Variants in COL5A1 observed in about 807,000 individuals in gnomAD.
The protein encoded by COL5A1 is collagen type V alpha 1 chain.
In COL5A1, 16 loss-of-function variants were observed where a neutral mutation model predicts 263.7. That is an observed-to-expected ratio of 0.06 (90% CI 0.04 to 0.09). COL5A1 has a LOEUF of 0.09. Ranked by LOEUF, COL5A1 falls within the 10% of genes least tolerant of loss-of-function variation. The probability of loss-of-function intolerance (pLI) is 1.00; values close to 1 mark genes in which losing one functional copy is unlikely to be tolerated. For synonymous variants in COL5A1, 1,012 were observed against 1,004.5 expected, an observed-to-expected ratio of 1.01 and a Z score of -0.14; for missense variants, 2,036 against 2,540.5, an observed-to-expected ratio of 0.80 and a Z score of 4.27.
intron 1 of COL5A1, among the ~76,000 whole-genome samples, chr9:134,685,142 C>CG (rs1451369788): frequency 6.7e-6 from 1 of 149,058 alleles, no homozygotes; most frequent in Non-Finnish European, 1.5e-5. Context: ...ATCCATCATC[C>CG]TCCCATTCAT....
At position 134,701,205 on chromosome 9, in the gene COL5A1, A is replaced by C. The variant is rs369396868; in HGVS notation, c.526A>C (p.Asn176His). ...HRIALSVHKK[N>H]VTLILDCKKK... The stretch of plus-strand genomic sequence containing the variant: ...AATTGCTCTCAGCGTCCACAAGAAA[A>C]ATGTCACCTTGATCCTCGACTGTAA... Residue 176 changes from asparagine (N) to histidine (H), a missense_variant, in exon 4 of 66, where the codon AAT (asparagine) becomes CAT (histidine). By Grantham distance (68) the Asn-to-His change is moderately conservative (BLOSUM62 1). This residue lies in a region of COL5A1 where 600 missense variants were observed against 634.5 expected (regional missense o/e 0.95). Transcript: ENST00000371817. The C allele has an allele frequency of 2.7e-5, 44 of 1,613,908 alleles. No homozygotes were observed. In the South Asian group the frequency reaches 2.7e-4, roughly 10 times the overall value.
chr9:134,681,385 C>T lies in COL5A1; in HGVS notation c.110-9527C>T, dbSNP rs1243532055. ...AATTTCTGCGAGCATCTGCGGGTGC[C>T]GGGCTGTGCGGGGCCCCTGCCCTCC... On this transcript the variant is annotated intron_variant, in intron 1 of 65. Transcript: ENST00000371817. This position sits in a 1 kb window ranked among gnomAD's most constrained non-coding sequence, Gnocchi z 4.3. 1.3e-5 allele frequency among the ~76,000 whole-genome samples: 2 copies of T among 152,216 alleles called. No homozygotes were observed. The highest frequency in any genetic ancestry group is 1.5e-5 in the Non-Finnish European group (1 of 68,022).
Position 134,765,256 on chromosome 9 carries a change from C to T in COL5A1, c.2035-425C>T, listed in dbSNP as rs545909359. On this transcript the variant is annotated intron_variant, in intron 20 of 65. Coordinates refer to ENST00000371817, the MANE Select transcript of COL5A1 (RefSeq NM_000093.5). The surrounding 1 kb of genome is among the most constrained non-coding windows in gnomAD (Gnocchi z 5.1). Reference sequence around the variant, plus strand: ...GACCCTGTGATATCATAAAAACAATCGTATGTCGCTGCGGAGGGGAATTCA... The same window carrying T: ...GACCCTGTGATATCATAAAAACAATTGTATGTCGCTGCGGAGGGGAATTCA... Among the ~76,000 whole-genome samples, 11 of 152,150 alleles carry T rather than the reference C, an allele frequency of 7.2e-5. No individual in the cohort carries two copies. The highest frequency in any genetic ancestry group is 2.1e-4 in the South Asian group (1 of 4,822).
chr9:134,752,404 G>C (rs1052831780), intron 13 of COL5A1, among the ~76,000 whole-genome samples, 185 bp from the exon 14 acceptor site: 2 of 115,516 alleles, frequency 1.7e-5, no homozygotes, highest in African/African-American at 3.5e-5. Context: ...TGGATGCTGA[G>C]AGCCCCATCG....
rs730880064 is a variant in COL5A1 at position 134,824,829 on chromosome 9, A to G, written c.4928A>G (p.Gln1643Arg). 1.2e-5 allele frequency: 19 copies of G among 1,613,470 alleles called. No individual in the cohort carries two copies. Among genetic ancestry groups the G allele is most frequent in the Non-Finnish European group, 1.4e-5 (17 of 1,179,962 alleles). ...CCCGCCCGCACCTGCAAGGACCTGC[A>G]GCTCTGCCACCCCGACTTCCCAGAT... ...QNPARTCKDL[Q>R]LCHPDFPDGE... The change falls in exon 62 of 66, where the codon CAG (glutamine) becomes CGG (arginine). Residue 1643 changes from glutamine (Q) to arginine (R), a missense_variant. Transcript: ENST00000371817.
At chr9:134,795,440 T>C in intron 34 of COL5A1, 125 bp downstream of exon 34, 1 of 823,870 alleles carries the variant, frequency 1.2e-6, no homozygotes, top group Non-Finnish European at 1.9e-6. Flanking sequence ...CAGGACATTT[T>C]CTTAGGTGTG....
chr9:134,779,813 C>A (rs577941278), intron 27 of COL5A1, among the ~76,000 whole-genome samples: 1 of 152,132 alleles, frequency 6.6e-6, no homozygotes, highest in East Asian at 1.9e-4. Flanking sequence ...TGTTGGCTGC[C>A]GGGTGTGGGC....
intron 18 of COL5A1, among the ~76,000 whole-genome samples, chr9:134,761,107 CA>C (rs1356134715): frequency 7.1e-6 from 1 of 140,490 alleles, no homozygotes; most frequent in Admixed American, 7.1e-5. Context: ...CACATGCACA[CA>C]ACCCACACAT....
At chr9:134,712,207 T>A (rs1482296773) in intron 4 of COL5A1, among the ~76,000 whole-genome samples, 1 of 40,438 alleles carries the variant, frequency 2.5e-5, no homozygotes, top group African/African-American at 9.1e-5. Context: ...CTTCTTCCTT[T>A]CCCCCCTCCT....
At chr9:134,693,005 G>A (rs1322150440) in intron 2 of COL5A1, among the ~76,000 whole-genome samples, 6 of 152,230 alleles carry the variant, frequency 3.9e-5, no homozygotes, top group African/African-American at 9.6e-5. Context: ...CCTGGGAGGC[G>A]GAGGTTGCAG....
intron 58 of COL5A1, 144 bp downstream of exon 58, chr9:134,820,367 G>A: frequency 1.4e-6 from 1 of 719,204 alleles, no homozygotes; most frequent in South Asian, 1.5e-5. Context: ...CTTGGCAGAT[G>A]GGAACACTGA....
intron 25 of COL5A1, among the ~76,000 whole-genome samples, chr9:134,768,907 G>C (rs1288255722): frequency 6.6e-6 from 1 of 152,176 alleles, no homozygotes; most frequent in Non-Finnish European, 1.5e-5. Flanking sequence ...CACAGCTGTG[G>C]AGCCAAATTA....
At chr9:134,684,101 G>T (rs1832940466) in intron 1 of COL5A1, among the ~76,000 whole-genome samples, 2 of 152,188 alleles carry the variant, frequency 1.3e-5, no homozygotes, top group Admixed American at 1.3e-4. Context: ...TTCATGAGGG[G>T]CCCCACTTCC....
intron 2 of COL5A1, among the ~76,000 whole-genome samples, chr9:134,693,239 C>T (rs934781254): frequency 6.6e-6 from 1 of 151,968 alleles, no homozygotes; most frequent in Non-Finnish European, 1.5e-5. Flanking sequence ...GCTAGGTGAG[C>T]GAGGTTACCG....
At chr9:134,756,936 C>T (rs769473725) in intron 17 of COL5A1, 118 bp downstream of exon 17, 167 of 989,412 alleles carry the variant, frequency 1.7e-4, no homozygotes, top group Non-Finnish European at 2.4e-4. Context: ...CAGGTGGCTC[C>T]GTCACTGGCA....
At chr9:134,836,182 G>A (rs1839849726) in intron 65 of COL5A1, among the ~76,000 whole-genome samples, 1 of 152,216 alleles carries the variant, frequency 6.6e-6, no homozygotes, top group Non-Finnish European at 1.5e-5. Context: ...TCCCAGCTCT[G>A]CAGGCTGTCC....
chr9:134,842,014 C>A lies in COL5A1; in HGVS notation c.5371-143C>A. 1.1e-6 allele frequency: 1 copy of A among 887,590 alleles called. No individual in the cohort carries two copies. The highest frequency in any genetic ancestry group is 1.8e-6 in the Non-Finnish European group (1 of 549,174). 55.0% of individuals were successfully genotyped at this position (887,590 alleles called of 1,614,324 possible). ...CTGATCAGCCATATTTCCTCCAACA[C>A]TTGCCCGGGCAAGCGCAGCCCTGGG... is the stretch of plus-strand genomic sequence containing the variant. On this transcript the variant is annotated intron_variant, in intron 65 of 65. Coordinates refer to ENST00000371817, the MANE Select transcript of COL5A1 (RefSeq NM_000093.5). The surrounding 1 kb of genome is among the most constrained non-coding windows in gnomAD (Gnocchi z 5.8).
chr9:134,747,018 A>G (rs575888444), intron 11 of COL5A1, among the ~76,000 whole-genome samples: 1 of 152,364 alleles, frequency 6.6e-6, no homozygotes, highest in East Asian at 1.9e-4. Flanking sequence ...TAGAGACCAC[A>G]GGGCTTGGCA....
rs369132343 is a variant in COL5A1 at position 134,750,660 on chromosome 9, G to T, written c.1569+44G>T. 45 of 1,606,344 alleles carry T rather than the reference G, an allele frequency of 2.8e-5. No homozygotes were observed. In the African/African-American group the frequency reaches 5.2e-4, roughly 19 times the overall value. The stretch of plus-strand genomic sequence containing the variant: ...CGGAGGTGGGGAGGCAGCTGGGGCA[G>T]GTGGGATCCAAACCAGACCCTCTGA... On this transcript the variant is annotated intron_variant, in intron 12 of 65. Coordinates refer to ENST00000371817, the MANE Select transcript of COL5A1 (RefSeq NM_000093.5).
Sources: gnomAD v4.1 joint callset for allele counts (sites outside exome capture counted in the v4.1 genomes callset) on GRCh38, gnomAD v4.1.1 for gene constraint, gnomAD v4.1.1 regional missense constraint, Gnocchi (gnomAD v3.1) non-coding constraint, MANE v1.5 for transcripts, NCBI Gene and HGNC (gene_info 2026-07-23, HGNC 2026-07-21) for gene names.